The following TFB1M variants were observed in gnomAD, a reference collection of about 807,000 sequenced individuals.
The protein encoded by TFB1M is transcription factor B1, mitochondrial, also known as dimethyladenosine transferase 1, mitochondrial.
Under a neutral mutation model 31.1 loss-of-function variants are expected in TFB1M, and 27 were observed. That is an observed-to-expected ratio of 0.87 (90% confidence interval 0.64 to 1.20). The LOEUF is 1.20. TFB1M is among the 50% of genes most tolerant of loss of function. The pLI is 0.00. For synonymous variants in TFB1M, 166 were observed against 151.8 expected, an observed-to-expected ratio of 1.09 and a Z score of -0.69; for missense variants, 394 against 418.7, an observed-to-expected ratio of 0.94 and a Z score of 0.51.
the TFB1M span, chr6:155,247,989 T>A: frequency 6.2e-7 from 1 of 1,612,566 alleles, no homozygotes; most frequent in Non-Finnish European, 8.5e-7. Context: ...CTTTTATCCA[T>A]CTGCTTGTAG....
rs1562406331 is a variant in TFB1M at position 155,285,242 on chromosome 6, A to ACT, written c.580_581dup (p.Ser194ArgfsTer41). On this transcript the variant is annotated frameshift_variant, in exon 5 of 7. Coordinates refer to ENST00000367166, the MANE Select transcript of TFB1M (RefSeq NM_016020.4). LOFTEE classifies it high-confidence loss of function. ...GGTACTGAGCCATAACAGAGAGGCG[A>ACT]CTACGCTGTTTGCTTCCTGTATTGG... 6.2e-7 allele frequency: 1 copy of ACT among 1,614,048 alleles called. No homozygotes were observed. Among genetic ancestry groups the ACT allele is most frequent in the African/African-American group, 1.3e-5 (1 of 75,064 alleles).
intron 1 of TFB1M, among the ~76,000 whole-genome samples, chr6:155,312,116 G>C (rs1357720258): frequency 6.6e-6 from 1 of 152,134 alleles, no homozygotes; most frequent in African/African-American, 2.4e-5. Context: ...GGAAATCCAA[G>C]GAACTGGTCT....
At chr6:155,276,378 A>G in intron 5 of TFB1M, 1 of 1,610,752 alleles carries the variant, frequency 6.2e-7, no homozygotes, top group Non-Finnish European at 8.5e-7. Context: ...GATTATGTGT[A>G]AATAACTGAG....
chr6:155,270,741 T>C (rs1323316504), intron 5 of TFB1M, among the ~76,000 whole-genome samples: 2 of 152,232 alleles, frequency 1.3e-5, no homozygotes, highest in African/African-American at 4.8e-5. Flanking sequence ...ACAAAGCTTA[T>C]GTCTGCACTA....
intron 5 of TFB1M, among the ~76,000 whole-genome samples, chr6:155,281,455 C>T (rs1002443350): frequency 4.6e-5 from 7 of 152,198 alleles, no homozygotes; most frequent in Admixed American, 1.3e-4. Flanking sequence ...GGCGTGGTGG[C>T]TCATGCCTGT....
At chr6:155,286,522 T>C (rs77346505) in intron 4 of TFB1M, among the ~76,000 whole-genome samples, 2 of 123,744 alleles carry the variant, frequency 1.6e-5, no homozygotes, top group Non-Finnish European at 3.3e-5. Flanking sequence ...TGTGTATATA[T>C]ATGTATATAT....
intron 2 of TFB1M, among the ~76,000 whole-genome samples, chr6:155,307,144 CACACACACACACACACACACACAT>C (rs1777810719): frequency 6.6e-6 from 1 of 150,896 alleles, no homozygotes; most frequent in African/African-American, 2.5e-5. Context: ...CATACACACA[CACACACACACACACACACACACAT>C]ATACACACAG....
chr6:155,300,682 T>G (rs1248454357), intron 2 of TFB1M, among the ~76,000 whole-genome samples: 1 of 152,190 alleles, frequency 6.6e-6, no homozygotes, highest in Admixed American at 6.5e-5. Flanking sequence ...AATTTGGCTG[T>G]TTGACGTTAA....
intron 4 of TFB1M, among the ~76,000 whole-genome samples, chr6:155,292,736 G>C (rs1776989887): frequency 6.6e-6 from 1 of 152,042 alleles, no homozygotes; most frequent in African/African-American, 2.4e-5. Context: ...ACAGAAAAAT[G>C]CAACCTATAG....
chr6:155,262,900 T>C (rs767934710), intron 5 of TFB1M, among the ~76,000 whole-genome samples: 1 of 152,246 alleles, frequency 6.6e-6, no homozygotes, highest in Non-Finnish European at 1.5e-5. Flanking sequence ...TAGTACCCCA[T>C]GTAAACTATA....
At position 155,260,520 on chromosome 6, in the gene TFB1M, C is replaced by T. The variant is rs1045593107; in HGVS notation, c.667-120G>A. On this transcript the variant is annotated intron_variant, in intron 5 of 6. Coordinates refer to ENST00000367166, the MANE Select transcript of TFB1M (RefSeq NM_016020.4). Reference sequence around the variant, plus strand: ...TCAACAGCCTGTTTTCATAAACAGACCTTTCCACGTACTTCGGTTTCATCT... The same window carrying T: ...TCAACAGCCTGTTTTCATAAACAGATCTTTCCACGTACTTCGGTTTCATCT... 7.7e-6 allele frequency: 10 copies of T among 1,306,456 alleles called. No homozygotes were observed. In the African/African-American group the frequency reaches 1.4e-4, roughly 19 times the overall value. 80.9% of individuals were successfully genotyped at this position (1,306,456 alleles called of 1,614,324 possible). A position where few individuals can be genotyped will look rare whatever the true frequency, so the allele number is the denominator to read the frequency against.
chr6:155,249,415 C>T, the TFB1M span, among the ~76,000 whole-genome samples: 1 of 152,216 alleles, frequency 6.6e-6, no homozygotes, highest in Admixed American at 6.5e-5. Flanking sequence ...GGTTTGAAGC[C>T]TGGCTCCATT....
intron 3 of TFB1M, 130 bp downstream of exon 3, chr6:155,298,347 T>A (rs1361053060): frequency 3.2e-6 from 2 of 620,158 alleles, no homozygotes; most frequent in African/African-American, 1.9e-5. Flanking sequence ...TAATACACAT[T>A]ATTTAATTCT....
At chr6:155,259,304 CTTA>C (rs1784282150) in intron 6 of TFB1M, among the ~76,000 whole-genome samples, 1 of 152,210 alleles carries the variant, frequency 6.6e-6, no homozygotes, top group South Asian at 2.1e-4. Flanking sequence ...AGCTCTGCAC[CTTA>C]AGTCTCTGCT....
the TFB1M span, among the ~76,000 whole-genome samples, chr6:155,249,095 T>G: frequency 1.3e-5 from 2 of 152,240 alleles, no homozygotes; most frequent in Non-Finnish European, 2.9e-5. Context: ...TAGAAGGGTT[T>G]GATTTAAAAA....
the TFB1M span, chr6:155,248,276 T>A: frequency 7.3e-7 from 1 of 1,362,370 alleles, no homozygotes. Flanking sequence ...CTTCCCCGCC[T>A]AGTGGCACGT....
chr6:155,295,092 C>T lies in TFB1M; in HGVS notation c.546+1861G>A, dbSNP rs572196696. 2.0e-5 allele frequency among the ~76,000 whole-genome samples: 3 copies of T among 152,180 alleles called. No homozygotes were observed. The South Asian group carries it at 6.2e-4, about 32-fold the overall frequency. ...CAAAAGTGGACAAAACTGGGCTGGG[C>T]GCAGTGGCTCACGCCTGTAATCCCA... On this transcript the variant is annotated intron_variant, in intron 4 of 6. Coordinates refer to ENST00000367166, the MANE Select transcript of TFB1M (RefSeq NM_016020.4).
At chr6:155,247,553 C>T in the TFB1M span, among the ~76,000 whole-genome samples, 3 of 152,196 alleles carry the variant, frequency 2.0e-5, no homozygotes, top group Admixed American at 6.5e-5. Context: ...GTCTCGAACT[C>T]GTGACCTCAG....
chr6:155,308,568 G>A (rs181202246), intron 2 of TFB1M, among the ~76,000 whole-genome samples: 1 of 152,254 alleles, frequency 6.6e-6, no homozygotes, highest in East Asian at 1.9e-4. Flanking sequence ...GTTAAACCCA[G>A]GCAGTCTGAT....
Sources: allele counts gnomAD v4.1 joint callset (sites outside exome capture counted in the v4.1 genomes callset), GRCh38; gene constraint gnomAD v4.1.1; transcripts MANE v1.5; gene names NCBI Gene and HGNC (gene_info 2026-07-23, HGNC 2026-07-21).